Variants in TCAF1 observed in about 807,000 individuals in gnomAD.
The protein encoded by TCAF1 is TRPM8 channel associated factor 1, also known as TRPM8 channel-associated factor 1.
Under a neutral mutation model 27.3 loss-of-function variants are expected in TCAF1, and 4 were observed. The ratio of observed to expected loss-of-function variants is 0.15; its 90% confidence interval spans 0.07 to 0.34. TCAF1 has a LOEUF of 0.34. Among genes scored for constraint, TCAF1 ranks in the 10% least tolerant of loss-of-function variants. TCAF1 has a pLI of 1.00. For missense variants in TCAF1, 257 were observed against 425.8 expected, an observed-to-expected ratio of 0.60 and a Z score of 3.49; for synonymous variants, 105 against 167.1, an observed-to-expected ratio of 0.63 and a Z score of 2.87.
chr7:143,851,536 T>C lies in TCAF1; in HGVS notation c.*2597A>G, dbSNP rs1811284110. On this transcript the variant is annotated 3_prime_UTR_variant, in exon 9 of 9. Coordinates refer to ENST00000479870, the MANE Select transcript of TCAF1 (RefSeq NM_014719.3). Reference sequence around the variant, plus strand: ...CTAGAGGTAATGCTTTTAACAATATTTATTTTAGATCGTCTGGTAACTTTC... The same window carrying C: ...CTAGAGGTAATGCTTTTAACAATATCTATTTTAGATCGTCTGGTAACTTTC... The C allele has an allele frequency of 6.6e-6, 1 of 152,288 alleles. No homozygotes were observed. The highest frequency in any genetic ancestry group is 6.5e-5 in the Admixed American group (1 of 15,288). 9.4% of individuals were successfully genotyped at this position (152,288 alleles called of 1,614,324 possible). A position where few individuals can be genotyped will look rare whatever the true frequency, so the allele number is the denominator to read the frequency against.
intron 6 of TCAF1, among the ~76,000 whole-genome samples, chr7:143,859,796 A>C (rs1199273286): frequency 6.7e-6 from 1 of 149,416 alleles, no homozygotes; most frequent in Non-Finnish European, 1.5e-5. Context: ...GTCCCTGATG[A>C]ATACCTGTGA....
chr7:143,879,241 C>T (rs887898221), intron 1 of TCAF1, among the ~76,000 whole-genome samples: 2 of 152,122 alleles, frequency 1.3e-5, no homozygotes, highest in African/African-American at 4.8e-5. Flanking sequence ...TAAATGGCCA[C>T]TTGTGTGGAA....
intron 6 of TCAF1, among the ~76,000 whole-genome samples, chr7:143,859,685 G>C (rs1378187042): frequency 6.9e-6 from 1 of 144,158 alleles, no homozygotes; most frequent in African/African-American, 2.6e-5. Flanking sequence ...CATAGGCAAA[G>C]ATCGCTTTAT....
chr7:143,889,098 TAGAGG>T (rs1813537391), intron 1 of TCAF1, among the ~76,000 whole-genome samples: 2 of 151,552 alleles, frequency 1.3e-5, no homozygotes, highest in Admixed American at 6.6e-5. Flanking sequence ...GGATCTGGAG[TAGAGG>T]AAATTATTCA....
intron 2 of TCAF1, 50 bp downstream of exon 2, chr7:143,875,939 G>A (rs781274380): frequency 6.7e-7 from 1 of 1,497,166 alleles, no homozygotes; most frequent in South Asian, 1.4e-5. Flanking sequence ...TAAGAACTGG[G>A]TCTGCTTTTC....
At chr7:143,884,963 C>T in intron 1 of TCAF1, 1 of 983,062 alleles carries the variant, frequency 1.0e-6, no homozygotes. Flanking sequence ...ATGGAGAAAG[C>T]GCAGGCAACC....
chr7:143,882,734 A>C lies in TCAF1; in HGVS notation c.-14-6112T>G, dbSNP rs895643574. 12 of 985,162 alleles carry C rather than the reference A, an allele frequency of 1.2e-5. No individual in the cohort carries two copies. In the African/African-American group the frequency reaches 2.1e-4, roughly 17 times the overall value. The allele number at this position is 985,162 out of a possible 1,614,324, so 61.0% of individuals were successfully genotyped here. Reference sequence around the variant, plus strand: ...GCCAGGCTTTTGGAGAGGGCCACTCACCAGGTCACCCTGCGATTTCCACGG... The same window carrying C: ...GCCAGGCTTTTGGAGAGGGCCACTCCCCAGGTCACCCTGCGATTTCCACGG... On this transcript the variant is annotated intron_variant, in intron 1 of 8. Transcript: ENST00000479870.
At chr7:143,882,926 C>G in intron 1 of TCAF1, 1 of 959,632 alleles carries the variant, frequency 1.0e-6, no homozygotes, top group South Asian at 4.8e-5. Context: ...CACTTCCTCC[C>G]AGGCTGGAGT....
At chr7:143,899,910 T>C (rs1235621543) in intron 1 of TCAF1, among the ~76,000 whole-genome samples, 1 of 152,166 alleles carries the variant, frequency 6.6e-6, no homozygotes, top group Admixed American at 6.5e-5. Context: ...TTATGGAAAA[T>C]GCTAGTTAAA....
chr7:143,871,874 TAAATA>T (rs1169121130), intron 2 of TCAF1, among the ~76,000 whole-genome samples: 1 of 52,840 alleles, frequency 1.9e-5, no homozygotes, highest in African/African-American at 6.6e-5. Flanking sequence ...TAAAATATAA[TAAATA>T]AAATCAGTAA....
intron 1 of TCAF1, among the ~76,000 whole-genome samples, chr7:143,879,740 C>T (rs184838672): frequency 1.3e-3 from 200 of 152,244 alleles, no homozygotes; most frequent in African/African-American, 4.7e-3. Flanking sequence ...TGCAGGATCT[C>T]TAACCCAAAC....
chr7:143,883,124 GACAA>G (rs968202942), intron 1 of TCAF1, among the ~76,000 whole-genome samples: 4 of 152,216 alleles, frequency 2.6e-5, no homozygotes, highest in African/African-American at 9.7e-5. Flanking sequence ...CAAATTGTGG[GACAA>G]ACATTCTGCT....
intron 1 of TCAF1, chr7:143,882,612 C>A: frequency 2.0e-6 from 2 of 985,562 alleles, no homozygotes; most frequent in South Asian, 9.4e-5. Flanking sequence ...CCACGGCGCA[C>A]CCATCGCGCC....
At chr7:143,880,302 G>C (rs1051908219) in intron 1 of TCAF1, among the ~76,000 whole-genome samples, 4 of 152,134 alleles carry the variant, frequency 2.6e-5, no homozygotes, top group Non-Finnish European at 4.4e-5. Flanking sequence ...TTAATTATTT[G>C]CTCAAAATCA....
chr7:143,876,199 T>C lies in TCAF1; in HGVS notation c.410A>G (p.Lys137Arg). 1.9e-6 allele frequency: 3 copies of C among 1,614,196 alleles called. No individual in the cohort carries two copies. The highest frequency in any genetic ancestry group is 1.6e-4 in the Middle Eastern group (1 of 6,062). The change falls in exon 2 of 9, where the codon AAG (lysine) becomes AGG (arginine). Residue 137 changes from lysine (K) to arginine (R), a missense_variant. By Grantham distance (26) the Lys-to-Arg change is conservative. Around this residue, in one of 2 missense-constraint regions of TCAF1, gnomAD observed 255 missense variants for 260.1 expected, o/e 0.98. Transcript: ENST00000479870. ...IDAYNETMTE[K>R]LVKFMKCGGG... Reference sequence around the variant, plus strand: ...ACCACATTTCATGAACTTGACCAGCTTTTCTGTCATGGTTTCATTGTAGGC... The same window carrying C: ...ACCACATTTCATGAACTTGACCAGCCTTTCTGTCATGGTTTCATTGTAGGC...
intron 6 of TCAF1, among the ~76,000 whole-genome samples, chr7:143,860,003 TATA>T (rs1811896833): frequency 1.3e-3 from 9 of 6,854 alleles, no homozygotes; most frequent in East Asian, 3.3e-3. Flanking sequence ...TATTATATAA[TATA>T]TATATAATAT....
intron 1 of TCAF1, among the ~76,000 whole-genome samples, chr7:143,880,474 T>A (rs902898691): frequency 1.3e-5 from 2 of 152,188 alleles, no homozygotes; most frequent in African/African-American, 4.8e-5. Context: ...ATCACATTGA[T>A]TACATTAGGA....
chr7:143,871,305 C>A (rs1246914138), intron 2 of TCAF1, among the ~76,000 whole-genome samples: 4 of 145,296 alleles, frequency 2.8e-5, no homozygotes, highest in Non-Finnish European at 4.6e-5. Context: ...CAGGAGACAG[C>A]TTAACGAGGC....
At chr7:143,888,520 C>T (rs1167121999) in intron 1 of TCAF1, among the ~76,000 whole-genome samples, 1 of 152,206 alleles carries the variant, frequency 6.6e-6, no homozygotes, top group Non-Finnish European at 1.5e-5. Context: ...CTTGTCTTGA[C>T]CCTGCTGAAA....
Sources: gnomAD v4.1 joint callset for allele counts (sites outside exome capture counted in the v4.1 genomes callset) on GRCh38, gnomAD v4.1.1 for gene constraint, gnomAD v4.1.1 regional missense constraint, MANE v1.5 for transcripts, NCBI Gene and HGNC (gene_info 2026-07-23, HGNC 2026-07-21) for gene names.